ACADSB: variants seen among roughly 807,000 people sequenced by gnomAD.
The protein encoded by ACADSB is acyl-CoA dehydrogenase short/branched chain.
ACADSB carries 40 observed loss-of-function variants against 54.1 expected under a neutral mutation model. That is an observed-to-expected ratio of 0.74 (90% confidence interval 0.57 to 0.96). ACADSB has a LOEUF of 0.96. ACADSB is among the 40% of genes least tolerant of loss of function. ACADSB has a pLI of 0.00. For synonymous variants in ACADSB, 182 were observed against 182.8 expected (o/e 1.00, Z 0.03); for missense variants, 530 against 510.4 (o/e 1.04, Z -0.37).
At chr10:123,027,634 T>C (rs1850273599) in intron 1 of ACADSB, 1 of 428,640 alleles carries the variant, frequency 2.3e-6, no homozygotes, top group Non-Finnish European at 4.7e-6. Context: ...GTCGCAGGTA[T>C]GTCTTTATCC....
rs1850369146 is a variant in ACADSB, at chr10:123,034,378, G to GT, written c.68dup (p.Leu23PhefsTer25). 1 of 1,613,674 alleles carries GT rather than the reference G, an allele frequency of 6.2e-7. No individual in the cohort carries two copies. The highest frequency in any genetic ancestry group is 1.3e-5 in the African/African-American group (1 of 74,918). Reference sequence around the variant, plus strand: ...CAGCTAAGAAGAAATTTCCTGACTTGTTTGTCTTCTTGGAAGATTCCTCCT... The same window carrying GT: ...CAGCTAAGAAGAAATTTCCTGACTTGTTTTGTCTTCTTGGAAGATTCCTCCT... On this transcript the variant is annotated frameshift_variant, in exon 2 of 11. Coordinates refer to ENST00000358776, the MANE Select transcript of ACADSB (RefSeq NM_001609.4). LOFTEE classifies it high-confidence loss of function.
intron 1 of ACADSB, among the ~76,000 whole-genome samples, chr10:123,013,947 C>T (rs1850079110): frequency 6.6e-6 from 1 of 152,206 alleles, no homozygotes; most frequent in South Asian, 2.1e-4. Context: ...GAGAAGGGCT[C>T]CCACGGTGCA....
intron 1 of ACADSB, among the ~76,000 whole-genome samples, chr10:123,025,688 TA>T (rs1850242253): frequency 6.6e-6 from 1 of 152,120 alleles, no homozygotes; most frequent in African/African-American, 2.4e-5. Context: ...GAATAAGCTG[TA>T]TGCAGAAAAA....
Position 123,052,772 on chromosome 10 carries a change from G to T in ACADSB, c.1129-289G>T, listed in dbSNP as rs775894199. ...GCTTGAAATGTCCCTTAGCTCGTCC[G>T]TTAGGCCCCCAGTAAACATTTCCTG... On this transcript the variant is annotated intron_variant, in intron 9 of 10. Transcript: ENST00000358776. This position sits in a 1 kb window ranked among gnomAD's most constrained non-coding sequence, Gnocchi z 4.2. 2 of 405,834 alleles carry T rather than the reference G, an allele frequency of 4.9e-6. No homozygotes were observed. Among genetic ancestry groups the T allele is most frequent in the Admixed American group, 3.6e-5 (1 of 27,904 alleles). The allele number at this position is 405,834 out of a possible 1,614,324, so 25.1% of individuals were successfully genotyped here.
At chr10:123,037,256 C>T (rs1850411972) in intron 2 of ACADSB, among the ~76,000 whole-genome samples, 1 of 152,138 alleles carries the variant, frequency 6.6e-6, no homozygotes, top group African/African-American at 2.4e-5. Flanking sequence ...TATGACCAAG[C>T]AGCTATGAAA....
Position 123,051,498 on chromosome 10 carries a change from G to C in ACADSB, c.1128+312G>C, listed in dbSNP as rs1286494314. 3.3e-5 allele frequency among the ~76,000 whole-genome samples: 5 copies of C among 152,118 alleles called. No homozygotes were observed. The East Asian group carries it at 9.7e-4, about 29-fold the overall frequency. Reference sequence around the variant, plus strand: ...CATGTTTCGTGAGTAGCCCAGCTCAGATAGACCACCCATCTCAAATCCATG... The same window carrying C: ...CATGTTTCGTGAGTAGCCCAGCTCACATAGACCACCCATCTCAAATCCATG... On this transcript the variant is annotated intron_variant, in intron 9 of 10. Coordinates refer to ENST00000358776, the MANE Select transcript of ACADSB (RefSeq NM_001609.4).
At position 123,057,892 on chromosome 10, in the gene ACADSB, C is replaced by T. The variant is rs533140339; in HGVS notation, c.*4127C>T. 5 of 152,280 alleles carry T rather than the reference C, an allele frequency of 3.3e-5. No individual in the cohort carries two copies. The highest frequency in any genetic ancestry group is 2.6e-4 in the Admixed American group (4 of 15,294). 9.4% of individuals were successfully genotyped at this position (152,280 alleles called of 1,614,324 possible). A position where few individuals can be genotyped will look rare whatever the true frequency, so the allele number is the denominator to read the frequency against. ...GTGTTCTTCCTAGTATTAAACATTGCCCCTTTCGACAAATTTTGGATTTCA... is the reference window on the plus strand; with the variant it reads ...GTGTTCTTCCTAGTATTAAACATTGTCCCTTTCGACAAATTTTGGATTTCA... On this transcript the variant is annotated 3_prime_UTR_variant, in exon 11 of 11. Transcript: ENST00000358776.
At chr10:123,010,840 G>A (rs2133450656) in intron 1 of ACADSB, among the ~76,000 whole-genome samples, 1 of 152,284 alleles carries the variant, frequency 6.6e-6, no homozygotes, top group South Asian at 2.1e-4. Flanking sequence ...TTAGAACTAT[G>A]TGCAACTAAC....
chr10:123,031,594 C>A (rs1234423526), intron 1 of ACADSB, among the ~76,000 whole-genome samples: 1 of 152,010 alleles, frequency 6.6e-6, no homozygotes, highest in African/African-American at 2.4e-5. Flanking sequence ...AGTCAAAGGC[C>A]AGGAAAAGAA....
Position 123,057,815 on chromosome 10 carries a change from C to T in ACADSB, c.*4050C>T, listed in dbSNP as rs893161828. 7 of 152,182 alleles carry T rather than the reference C, an allele frequency of 4.6e-5. No individual in the cohort carries two copies. The highest frequency in any genetic ancestry group is 1.2e-4 in the African/African-American group (5 of 41,452). 9.4% of individuals were successfully genotyped at this position (152,182 alleles called of 1,614,324 possible). ...TTACTTGCCTAAGATCATCCAGGAA[C>T]GAAGACAAGAATCCAAATGTACTTG... On this transcript the variant is annotated 3_prime_UTR_variant, in exon 11 of 11. Coordinates refer to ENST00000358776, the MANE Select transcript of ACADSB (RefSeq NM_001609.4).
Position 123,052,984 on chromosome 10 carries a change from T to C in ACADSB, c.1129-77T>C. ...GCCACTAACAGTAAATCCATGTTGC[T>C]GAAAATGTTACCCAGAAGTGTTTAT... On this transcript the variant is annotated intron_variant, in intron 9 of 10. Transcript: ENST00000358776. This position sits in a 1 kb window ranked among gnomAD's most constrained non-coding sequence, Gnocchi z 4.2. 1 of 1,175,528 alleles carries C rather than the reference T, an allele frequency of 8.5e-7. No individual in the cohort carries two copies. Among genetic ancestry groups the C allele is most frequent in the African/African-American group, 1.5e-5 (1 of 66,252 alleles). 72.8% of individuals were successfully genotyped at this position (1,175,528 alleles called of 1,614,324 possible). A position where few individuals can be genotyped will look rare whatever the true frequency, so the allele number is the denominator to read the frequency against.
intron 1 of ACADSB, among the ~76,000 whole-genome samples, chr10:123,028,412 C>T (rs1439004365): frequency 1.3e-5 from 2 of 152,214 alleles, no homozygotes; most frequent in South Asian, 2.1e-4. Flanking sequence ...GGCCTATAAT[C>T]CCAGCACTTT....
chr10:123,035,577 G>GAAGTCCAGCTGGAGC (rs1336804314), intron 2 of ACADSB, among the ~76,000 whole-genome samples: 1 of 152,194 alleles, frequency 6.6e-6, no homozygotes, highest in Non-Finnish European at 1.5e-5. Flanking sequence ...CTGTAGGCCA[G>GAAGTCCAGCTGGAGC]AAGTCCAGCT....
At chr10:123,043,817 AC>A (rs1850511683) in intron 6 of ACADSB, among the ~76,000 whole-genome samples, 1 of 152,136 alleles carries the variant, frequency 6.6e-6, no homozygotes, top group African/African-American at 2.4e-5. Flanking sequence ...TCCCCCAACT[AC>A]CCATATTACA....
chr10:123,020,419 CA>C (rs1850169024), intron 1 of ACADSB, among the ~76,000 whole-genome samples: 1 of 152,150 alleles, frequency 6.6e-6, no homozygotes, highest in African/African-American at 2.4e-5. Context: ...AGCATTATGC[CA>C]ACTCTGGGAT....
chr10:123,045,873 T>C (rs536320986), intron 7 of ACADSB, among the ~76,000 whole-genome samples: 13 of 152,306 alleles, frequency 8.5e-5, no homozygotes, highest in African/African-American at 3.1e-4. Flanking sequence ...AAAGTTAAGA[T>C]CAGGTAGTTA....
At chr10:123,050,901 A>G (rs1850621726) in intron 8 of ACADSB, 148 bp from the exon 9 acceptor site, 3 of 730,784 alleles carry the variant, frequency 4.1e-6, no homozygotes, top group Non-Finnish European at 6.6e-6. Context: ...TAGATTACTC[A>G]TTTTAAAGTA....
intron 1 of ACADSB, among the ~76,000 whole-genome samples, chr10:123,033,536 T>G (rs11597782): frequency 1.3e-5 from 2 of 152,046 alleles, no homozygotes; most frequent in Non-Finnish European, 2.9e-5. Context: ...ACTGCTGCTG[T>G]TTCTGTGATG....
intron 8 of ACADSB, among the ~76,000 whole-genome samples, chr10:123,047,554 C>T (rs1300540139): frequency 6.6e-6 from 1 of 152,200 alleles, no homozygotes; most frequent in Admixed American, 6.5e-5. Context: ...TGTCTCCTCA[C>T]TGCTTCAGAA....
Sources: gnomAD v4.1 joint callset for allele counts (sites outside exome capture counted in the v4.1 genomes callset) on GRCh38, gnomAD v4.1.1 for gene constraint, Gnocchi (gnomAD v3.1) non-coding constraint, MANE v1.5 for transcripts, NCBI Gene and HGNC (gene_info 2026-07-23, HGNC 2026-07-21) for gene names.